CTNNA2: variants seen among roughly 807,000 people sequenced by gnomAD.
The protein encoded by CTNNA2 is catenin alpha-2.
Under a neutral mutation model 101.0 loss-of-function variants are expected in CTNNA2, and 42 were observed. That is an observed-to-expected ratio of 0.42 (90% CI 0.32 to 0.54). CTNNA2 has a LOEUF of 0.54. Ranked by LOEUF, CTNNA2 falls within the 20% of genes least tolerant of loss-of-function variation. The pLI is 0.14. For missense variants in CTNNA2, 871 were observed against 1,223.1 expected (o/e 0.71, Z 4.29); for synonymous variants, 450 against 456.4 (o/e 0.99, Z 0.18).
intron 7 of CTNNA2, among the ~76,000 whole-genome samples, chr2:80,121,379 T>G (rs1026489515): frequency 5.9e-5 from 9 of 152,172 alleles, no homozygotes; most frequent in African/African-American, 1.9e-4. Context: ...TCCAGCTGGT[T>G]TTTGAAGAGT....
chr2:80,045,264 C>A (rs1558757552), intron 7 of CTNNA2, among the ~76,000 whole-genome samples: 1 of 152,304 alleles, frequency 6.6e-6, no homozygotes, highest in Non-Finnish European at 1.5e-5. Context: ...GAGACAGACA[C>A]CTCATCTATC....
Position 79,210,899 on chromosome 2 carries a change from C to A in CTNNA2, c.-406+12823C>A, listed in dbSNP as rs1056484335. ...TTCCCTCCAGTACAAATCCCAGTGT[C>A]TCTGAAGCCCTCCCTCTCCCGCCTG... On this transcript the variant is annotated intron_variant, in intron 2 of 21. Coordinates refer to the CTNNA2 transcript ENST00000466387. Among the ~76,000 whole-genome samples, 4 of 152,236 alleles carry A rather than the reference C, an allele frequency of 2.6e-5. 1 individual carries two copies. Among genetic ancestry groups the A allele is most frequent in the Middle Eastern group, 6.8e-3 (2 of 294 alleles).
At chr2:80,043,160 T>G (rs1696278642) in intron 7 of CTNNA2, among the ~76,000 whole-genome samples, 1 of 107,290 alleles carries the variant, frequency 9.3e-6, no homozygotes, top group Non-Finnish European at 1.9e-5. Flanking sequence ...CTTCCTTCCT[T>G]CCTTCCTTCC....
At chr2:79,341,906 G>T (rs947257287) in intron 3 of CTNNA2, among the ~76,000 whole-genome samples, 1 of 152,164 alleles carries the variant, frequency 6.6e-6, no homozygotes, top group Admixed American at 6.5e-5. Context: ...GGAGTCTGAT[G>T]TCTTTTATGT....
chr2:80,256,797 G>A (rs1410297645), intron 7 of CTNNA2, among the ~76,000 whole-genome samples: 4 of 152,166 alleles, frequency 2.6e-5, no homozygotes, highest in Admixed American at 6.6e-5. Flanking sequence ...TTCTAGCAAA[G>A]TTGTAGGTGA....
chr2:79,972,127 T>C (rs1690530118), intron 7 of CTNNA2, among the ~76,000 whole-genome samples: 1 of 152,170 alleles, frequency 6.6e-6, no homozygotes, highest in Non-Finnish European at 1.5e-5. Context: ...ACATGAATAC[T>C]GGCAGGCACA....
rs1191816698 is a variant in CTNNA2, at chr2:80,302,635, C to G, written c.1057-90576C>G. 2 of 1,607,192 alleles carry G rather than the reference C, an allele frequency of 1.2e-6. No individual in the cohort carries two copies. The highest frequency in any genetic ancestry group is 1.7e-6 in the Non-Finnish European group (2 of 1,178,416). On this transcript the variant is annotated intron_variant, in intron 7 of 18. Coordinates refer to ENST00000402739, the MANE Select transcript of CTNNA2 (RefSeq NM_001282597.3). This position sits in a 1 kb window ranked among gnomAD's most constrained non-coding sequence, Gnocchi z 6.4. ...CGTCGTGCTGCCCCTCCCCGCCGTCCGCGAGCGTGGTGGCCGAGCTGGCAG... is the reference window on the plus strand; with the variant it reads ...CGTCGTGCTGCCCCTCCCCGCCGTCGGCGAGCGTGGTGGCCGAGCTGGCAG...
chr2:79,952,144 T>C (rs1688927461), intron 7 of CTNNA2, among the ~76,000 whole-genome samples: 1 of 152,194 alleles, frequency 6.6e-6, no homozygotes, highest in Non-Finnish European at 1.5e-5. Context: ...ATTTGTATTG[T>C]ATTTGTGGTC....
At chr2:79,269,025 A>C (rs914942743) in intron 2 of CTNNA2, among the ~76,000 whole-genome samples, 7 of 151,986 alleles carry the variant, frequency 4.6e-5, no homozygotes, top group African/African-American at 1.7e-4. Flanking sequence ...ATTTCAAGCC[A>C]CCTCAGAGGG....
intron 7 of CTNNA2, among the ~76,000 whole-genome samples, chr2:80,126,589 TCCCTCCCTCCCTCC>T (rs1702121857): frequency 5.0e-5 from 1 of 20,164 alleles, no homozygotes; most frequent in Non-Finnish European, 1.2e-4. Context: ...TTTCTTTCCC[TCCCTCCCTCCCTCC>T]CTCCCTCCCT....
intron 7 of CTNNA2, among the ~76,000 whole-genome samples, chr2:80,158,735 T>C (rs61265187): frequency 0.28 from 42,402 of 151,926 alleles, 9,613 homozygotes; most frequent in African/African-American, 0.62. Flanking sequence ...TGGTGAAACC[T>C]CCTGTCTCTA....
At chr2:79,340,111 A>T (rs1174014515) in intron 3 of CTNNA2, 2 of 152,174 alleles carry the variant, frequency 1.3e-5, no homozygotes, top group Admixed American at 1.3e-4. Context: ...ATTTATAGAG[A>T]AAAGACTGAG....
At chr2:80,467,839 A>G (rs539700265) in intron 9 of CTNNA2, among the ~76,000 whole-genome samples, 13 of 152,292 alleles carry the variant, frequency 8.5e-5, no homozygotes, top group African/African-American at 3.1e-4. Context: ...AAATATAGCA[A>G]GAGTGAGTCC....
At chr2:80,217,896 G>A (rs902699252) in intron 7 of CTNNA2, among the ~76,000 whole-genome samples, 1 of 152,024 alleles carries the variant, frequency 6.6e-6, no homozygotes, top group Non-Finnish European at 1.5e-5. Flanking sequence ...CTCTGCATAG[G>A]CCATCATGCT....
At chr2:80,544,247 A>T (rs1691840390) in intron 9 of CTNNA2, among the ~76,000 whole-genome samples, 1 of 151,536 alleles carries the variant, frequency 6.6e-6, no homozygotes, top group Admixed American at 6.6e-5. Context: ...GGGGCCAGGA[A>T]CCAAGGAAGA....
At chr2:79,896,484 G>C (rs1684723367) in intron 6 of CTNNA2, among the ~76,000 whole-genome samples, 1 of 152,188 alleles carries the variant, frequency 6.6e-6, no homozygotes, top group Admixed American at 6.5e-5. Context: ...TGCTCCAGAA[G>C]CCTTTTGGTA....
intron 4 of CTNNA2, among the ~76,000 whole-genome samples, chr2:79,385,434 T>A (rs1318602786): frequency 6.6e-6 from 1 of 152,202 alleles, no homozygotes; most frequent in African/African-American, 2.4e-5. Flanking sequence ...AATATATATT[T>A]AATTCACTGC....
At chr2:79,443,892 T>C (rs1015657381) in intron 4 of CTNNA2, among the ~76,000 whole-genome samples, 3 of 131,138 alleles carry the variant, frequency 2.3e-5, no homozygotes, top group African/African-American at 5.8e-5. Context: ...TTTTATCTTA[T>C]TTGTATACAT....
intron 4 of CTNNA2, among the ~76,000 whole-genome samples, chr2:79,458,576 T>C (rs1170429381): frequency 2.6e-5 from 4 of 152,182 alleles, no homozygotes; most frequent in Admixed American, 2.6e-4. Flanking sequence ...TAGTTCACCC[T>C]AGCACGAGCC....
Sources: allele counts gnomAD v4.1 joint callset (sites outside exome capture counted in the v4.1 genomes callset), GRCh38; gene constraint gnomAD v4.1.1; non-coding constraint Gnocchi (gnomAD v3.1); transcripts MANE v1.5; gene names NCBI Gene and HGNC (gene_info 2026-07-23, HGNC 2026-07-21).